The following AFDN variants were observed in gnomAD, a reference collection of about 807,000 sequenced individuals.
AFDN encodes afadin, adherens junction formation factor.
In AFDN, 68 loss-of-function variants were observed where a neutral mutation model predicts 216.6. The observed-to-expected ratio is 0.31, with a 90% confidence interval of 0.26 to 0.38. The LOEUF (loss-of-function observed/expected upper bound fraction) is 0.38, where lower values mean the gene tolerates loss of function less well. AFDN is among the 10% of genes least tolerant of loss of function. The probability of loss-of-function intolerance (pLI) is 1.00; values close to 1 mark genes in which losing one functional copy is unlikely to be tolerated. For synonymous variants in AFDN, 868 were observed against 853.7 expected (o/e 1.02, Z -0.29); for missense variants, 2,136 against 2,342.0 (o/e 0.91, Z 1.82).
At chr6:167,954,469 G>T in intron 30 of AFDN, 2 of 1,597,416 alleles carry the variant, frequency 1.3e-6, no homozygotes, top group Admixed American at 1.7e-5. Flanking sequence ...AGACTGCTAT[G>T]CCAGCAATCT....
rs1228642847 is a variant in AFDN at position 167,971,397 on chromosome 6, T to A, written c.*1462T>A. 1 of 204,360 alleles carries A rather than the reference T, an allele frequency of 4.9e-6. No individual in the cohort carries two copies. Among genetic ancestry groups the A allele is most frequent in the Non-Finnish European group, 1.0e-5 (1 of 99,966 alleles). The allele number at this position is 204,360 out of a possible 1,614,324, so 12.7% of individuals were successfully genotyped here. A position where few individuals can be genotyped will look rare whatever the true frequency, so the allele number is the denominator to read the frequency against. On this transcript the variant is annotated 3_prime_UTR_variant, in exon 34 of 34. Coordinates refer to ENST00000683244, the MANE Select transcript of AFDN (RefSeq NM_001386888.1). Reference sequence around the variant, plus strand: ...TCGAAATCACTTTTAATAAAAGTTGTATGATAAATCATTAAAAATGCGAGT... The same window carrying A: ...TCGAAATCACTTTTAATAAAAGTTGAATGATAAATCATTAAAAATGCGAGT...
chr6:167,844,514 G>C (rs1781423688), intron 1 of AFDN, among the ~76,000 whole-genome samples: 1 of 151,964 alleles, frequency 6.6e-6, no homozygotes. Flanking sequence ...TGAACACTTT[G>C]ACTGTTTCCA....
chr6:167,882,107 A>C (rs1289723676), intron 6 of AFDN, among the ~76,000 whole-genome samples: 2 of 152,204 alleles, frequency 1.3e-5, no homozygotes. Context: ...AACAGATGGA[A>C]GTTTGACAAC....
intron 23 of AFDN, among the ~76,000 whole-genome samples, chr6:167,939,584 C>G (rs1794433121): frequency 6.6e-6 from 1 of 152,176 alleles, no homozygotes; most frequent in Non-Finnish European, 1.5e-5. Flanking sequence ...CTGGTTTGTT[C>G]ATTGATGTGT....
At chr6:167,919,031 G>T in intron 21 of AFDN, 98 bp downstream of exon 21, 1 of 957,632 alleles carries the variant, frequency 1.0e-6, no homozygotes, top group Non-Finnish European at 1.6e-6. Context: ...TTGTGTGGGA[G>T]TGCACCCTCG....
chr6:167,844,794 G>T (rs1203641759), intron 1 of AFDN, among the ~76,000 whole-genome samples: 1 of 150,346 alleles, frequency 6.7e-6, no homozygotes, highest in Non-Finnish European at 1.5e-5. Flanking sequence ...TGTGTCATTG[G>T]TTTTAAAATT....
intron 5 of AFDN, among the ~76,000 whole-genome samples, chr6:167,878,379 T>G (rs1785656976): frequency 6.6e-6 from 1 of 151,960 alleles, no homozygotes; most frequent in East Asian, 1.9e-4. Flanking sequence ...GGATGTGGAG[T>G]GTAATTAAAT....
intron 33 of AFDN, 54 bp downstream of exon 33, chr6:167,969,252 C>T: frequency 7.5e-7 from 1 of 1,336,254 alleles, no homozygotes. Flanking sequence ...TGAGCCCTTT[C>T]ACTCTTCACG....
intron 30 of AFDN, among the ~76,000 whole-genome samples, chr6:167,953,147 C>T (rs1796175326): frequency 6.6e-6 from 1 of 151,952 alleles, no homozygotes; most frequent in African/African-American, 2.4e-5. Context: ...AGACACAGTG[C>T]AATATTTTGA....
rs554204670 is a variant in AFDN, at chr6:167,910,624, C to A, written c.1770-477C>A. Among the ~76,000 whole-genome samples the A allele has an allele frequency of 2.0e-5, 3 of 152,252 alleles. No homozygotes were observed. The South Asian group carries it at 6.2e-4, about 32-fold the overall frequency. On this transcript the variant is annotated intron_variant, in intron 13 of 33. Transcript: ENST00000683244. ...GATAGTAATGGCTGAAGGAGACTTG[C>A]CGTGGTCAGCTTGTCTAACCCTGTG...
intron 1 of AFDN, among the ~76,000 whole-genome samples, chr6:167,847,337 G>A (rs1217099563): frequency 6.6e-6 from 1 of 152,090 alleles, no homozygotes; most frequent in African/African-American, 2.4e-5. Flanking sequence ...ACATCTCTAA[G>A]TTTGGCCCTT....
In AFDN at chr6:167,897,332, G is replaced by A. The variant is rs116197208; in HGVS notation, c.1317+360G>A. Among the ~76,000 whole-genome samples, 893 of 152,238 alleles carry A rather than the reference G, an allele frequency of 5.9e-3. 18 individuals are homozygous for A. Among genetic ancestry groups the A allele is most frequent in the African/African-American group, 0.021 (861 of 41,538 alleles). ...CTGACCACATAGCATTAGGCATTCGGTAAATTCTAATTAAATTTAGCTTAA... is the reference window on the plus strand; with the variant it reads ...CTGACCACATAGCATTAGGCATTCGATAAATTCTAATTAAATTTAGCTTAA... On this transcript the variant is annotated intron_variant, in intron 10 of 33. Transcript: ENST00000683244.
chr6:167,896,775 A>G, intron 9 of AFDN, 103 bp from the exon 10 acceptor site: 1 of 614,342 alleles, frequency 1.6e-6, no homozygotes. Flanking sequence ...AAATCCTGAG[A>G]AATGAGAACT....
At chr6:167,850,578 C>T (rs899248879) in intron 1 of AFDN, among the ~76,000 whole-genome samples, 2 of 152,114 alleles carry the variant, frequency 1.3e-5, no homozygotes, top group African/African-American at 4.8e-5. Flanking sequence ...TGCTGATCTA[C>T]CAATGTTCAT....
In AFDN at chr6:167,951,472, C is replaced by T. The variant is rs78309125; in HGVS notation, c.4118C>T (p.Pro1373Leu). 1.5e-4 allele frequency: 243 copies of T among 1,613,880 alleles called. No homozygotes were observed. The African/African-American group carries it at 2.3e-3, about 15-fold the overall frequency. ...VSQPIRTDLPPPPPPPPVHYA... is the reference protein window; with the variant it reads ...VSQPIRTDLPLPPPPPPVHYA... ...CAGCCAATCCGAACAGACCTGCCTC[C>T]GCCACCCCCGCCACCTCCAGTCCAC... is the stretch of plus-strand genomic sequence containing the variant. Residue 1373 changes from proline (P) to leucine (L), a missense_variant, in exon 30 of 34, where the codon CCG becomes CTG. Transcript: ENST00000683244. This position sits in a 1 kb window ranked among gnomAD's most constrained non-coding sequence, Gnocchi z 7.1.
rs1161726771 is a variant in AFDN at position 167,875,413 on chromosome 6, G to A, written c.657G>A (p.Glu219=). 7 of 1,613,776 alleles carry A rather than the reference G, an allele frequency of 4.3e-6. No individual in the cohort carries two copies. The highest frequency in any genetic ancestry group is 5.9e-6 in the Non-Finnish European group (7 of 1,179,906). Reference sequence around the variant, plus strand: ...TTACTCGAACCATTTCTAATCCTGAGGTGGTTATGAAACGACGGAGGCAGC... The same window carrying A: ...TTACTCGAACCATTTCTAATCCTGAAGTGGTTATGAAACGACGGAGGCAGC... ...TSFTRTISNP[E]VVMKRRRQQK... is the part of the protein sequence containing the mutation. Residue 219 remains glutamate (E), a synonymous_variant, in exon 5 of 34, where the codon GAG becomes GAA. Transcript: ENST00000683244.
chr6:167,913,297 A>G, intron 15 of AFDN, 106 bp from the exon 16 acceptor site: 2 of 1,069,982 alleles, frequency 1.9e-6, no homozygotes, highest in South Asian at 1.4e-5. Flanking sequence ...TCGTACCTTC[A>G]TGTCGTACCT....
intron 28 of AFDN, 97 bp downstream of exon 28, chr6:167,948,041 T>G (rs766593267): frequency 2.2e-6 from 2 of 907,884 alleles, no homozygotes; most frequent in Non-Finnish European, 3.4e-6. Flanking sequence ...TTACTCTGAA[T>G]TAGCATTGAT....
chr6:167,889,220 G>T lies in AFDN; in HGVS notation c.903G>T (p.Met301Ile), dbSNP rs1281616007. The T allele has an allele frequency of 6.2e-7, 1 of 1,612,044 alleles. No homozygotes were observed. The highest frequency in any genetic ancestry group is 1.7e-5 in the Admixed American group (1 of 59,846). ...AATTATTTTTGTTTTTTTAGGTTAT[G>T]CTTCCTCCTGGAGCCCAGCATTCTG... ...NPKDYCIARV[M>I]LPPGAQHSDE... The change falls in exon 7 of 34, where the codon ATG becomes ATT. Residue 301 changes from methionine to isoleucine, a missense_variant. Met to Ile is a conservative substitution (Grantham distance 10). This residue lies in a region of AFDN where 817 missense variants were observed against 965.7 expected (regional missense o/e 0.85). Coordinates refer to ENST00000683244, the MANE Select transcript of AFDN (RefSeq NM_001386888.1).
Sources: gnomAD v4.1 joint callset for allele counts (sites outside exome capture counted in the v4.1 genomes callset) on GRCh38, gnomAD v4.1.1 for gene constraint, gnomAD v4.1.1 regional missense constraint, Gnocchi (gnomAD v3.1) non-coding constraint, MANE v1.5 for transcripts, NCBI Gene and HGNC (gene_info 2026-07-23, HGNC 2026-07-21) for gene names.